KIF26B: variants seen among roughly 807,000 people sequenced by gnomAD.
KIF26B encodes the protein kinesin-like protein KIF26B.
In KIF26B, 63 loss-of-function variants were observed where a neutral mutation model predicts 151.2. That is an observed-to-expected ratio of 0.42 (90% CI 0.34 to 0.51). KIF26B has a LOEUF of 0.51. KIF26B is among the 20% of genes least tolerant of loss of function. The pLI is 0.07. For missense variants in KIF26B, 2,813 were observed against 2,913.6 expected (o/e 0.97, Z 0.79); for synonymous variants, 1,357 against 1,262.1 (o/e 1.08, Z -1.59).
intron 2 of KIF26B, among the ~76,000 whole-genome samples, chr1:245,187,108 G>A (rs1294534982): frequency 6.6e-6 from 1 of 152,152 alleles, no homozygotes; most frequent in Non-Finnish European, 1.5e-5. Flanking sequence ...GTCCGCCTTG[G>A]ACTCCCAAAG....
Position 245,666,422 on chromosome 1 carries a change from G to T in KIF26B, c.2259-17811G>T, listed in dbSNP as rs1045083366. Among the ~76,000 whole-genome samples, 9 of 152,248 alleles carry T rather than the reference G, an allele frequency of 5.9e-5. No individual in the cohort carries two copies. In the East Asian group the frequency reaches 1.7e-3, roughly 29 times the overall value. On this transcript the variant is annotated intron_variant, in intron 10 of 14. Coordinates refer to ENST00000407071, the MANE Select transcript of KIF26B (RefSeq NM_018012.4). ...ACAAAATAAACCAGACAGGATGCAG[G>T]GTGATAGGCATACACTGAGACTTCT...
chr1:245,181,504 G>T (rs541489296), intron 2 of KIF26B, among the ~76,000 whole-genome samples: 2 of 133,120 alleles, frequency 1.5e-5, no homozygotes, highest in Non-Finnish European at 3.1e-5. Context: ...AGAGAAAAAC[G>T]TAGTAAAGTT....
intron 2 of KIF26B, among the ~76,000 whole-genome samples, chr1:245,198,681 C>T (rs933660931): frequency 9.3e-5 from 14 of 149,828 alleles, no homozygotes; most frequent in Non-Finnish European, 1.8e-4. Context: ...AGATCGAGGT[C>T]GCACCATTGC....
At position 245,685,452 on chromosome 1, in the gene KIF26B, C is replaced by T. The variant is rs2044497905; in HGVS notation, c.2469C>T (p.Arg823=). 2 of 1,613,520 alleles carry T rather than the reference C, an allele frequency of 1.2e-6. No individual in the cohort carries two copies. Among genetic ancestry groups the T allele is most frequent in the Admixed American group, 3.3e-5 (2 of 59,980 alleles). The part of the protein sequence containing the change: ...SGGESSCEEG[R]MRRPTQLRPF... ...GGGAGAGCTCCTGCGAAGAAGGCCG[C>T]ATGCGCAGGCCCACCCAGCTGAGAC... Residue 823 remains arginine, a synonymous_variant, in exon 12 of 15, where the codon CGC becomes CGT. Coordinates refer to ENST00000407071, the MANE Select transcript of KIF26B (RefSeq NM_018012.4).
intron 2 of KIF26B, among the ~76,000 whole-genome samples, chr1:245,236,963 G>C (rs1331651477): frequency 6.6e-6 from 1 of 152,214 alleles, no homozygotes; most frequent in African/African-American, 2.4e-5. Context: ...AAAGTGACTT[G>C]TCTGAAATTA....
rs558704377 is a variant in KIF26B at position 245,214,835 on chromosome 1, C to T, written c.465+58152C>T. On this transcript the variant is annotated intron_variant, in intron 2 of 14. Coordinates refer to ENST00000407071, the MANE Select transcript of KIF26B (RefSeq NM_018012.4). ...AGCCTGGGTTACAAGAGCAAAACTC[C>T]GTCTGAAAAATAAATAAGTAAATAA... is the stretch of plus-strand genomic sequence containing the variant. Among the ~76,000 whole-genome samples the T allele has an allele frequency of 5.9e-5, 9 of 152,140 alleles. No individual in the cohort carries two copies. The South Asian group carries it at 1.2e-3, about 21-fold the overall frequency.
chr1:245,465,530 TC>T (rs1280523026), intron 4 of KIF26B, among the ~76,000 whole-genome samples: 2 of 152,164 alleles, frequency 1.3e-5, no homozygotes, highest in Non-Finnish European at 2.9e-5. Context: ...AAAGTATCTT[TC>T]CGGTTTTTGC....
intron 5 of KIF26B, among the ~76,000 whole-genome samples, chr1:245,582,327 G>A (rs115521188): frequency 0.011 from 1,683 of 152,286 alleles, 26 homozygotes; most frequent in Non-Finnish European, 0.012. Context: ...TTGTTACAAT[G>A]TATCAAGTCA....
At chr1:245,396,236 G>C (rs75517246) in intron 3 of KIF26B, among the ~76,000 whole-genome samples, 4 of 152,030 alleles carry the variant, frequency 2.6e-5, no homozygotes, top group African/African-American at 9.7e-5. Context: ...ACTTCTCTCC[G>C]GTGCTCCAAA....
rs907657624 is a variant in KIF26B, at chr1:245,239,739, A to C, written c.465+83056A>C. Among the ~76,000 whole-genome samples, 23 of 152,168 alleles carry C rather than the reference A, an allele frequency of 1.5e-4. No homozygotes were observed. The highest frequency in any genetic ancestry group is 5.5e-4 in the African/African-American group (23 of 41,528). Reference sequence around the variant, plus strand: ...AGGCTGGTCTCAAACTCCTGACCTCAGGTGATCTGGCCTCCCAGAGTGCTG... The same window carrying C: ...AGGCTGGTCTCAAACTCCTGACCTCCGGTGATCTGGCCTCCCAGAGTGCTG... On this transcript the variant is annotated intron_variant, in intron 2 of 14. Coordinates refer to ENST00000407071, the MANE Select transcript of KIF26B (RefSeq NM_018012.4). This position sits in a 1 kb window ranked among gnomAD's most constrained non-coding sequence, Gnocchi z 4.3.
intron 5 of KIF26B, among the ~76,000 whole-genome samples, chr1:245,554,253 T>C (rs1485854922): frequency 6.6e-6 from 1 of 152,222 alleles, no homozygotes. Context: ...GGTGGGAATC[T>C]TTGTTCCTAT....
chr1:245,229,901 G>A (rs1015334487), intron 2 of KIF26B, among the ~76,000 whole-genome samples: 2 of 152,164 alleles, frequency 1.3e-5, no homozygotes, highest in South Asian at 4.1e-4. Flanking sequence ...TTGGGAGGCC[G>A]AGGTGGGCGG....
chr1:245,288,085 C>T (rs1671197468), intron 2 of KIF26B, among the ~76,000 whole-genome samples: 1 of 152,012 alleles, frequency 6.6e-6, no homozygotes, highest in Non-Finnish European at 1.5e-5. Flanking sequence ...ATTGTTTGTA[C>T]CATCTCTTCA....
At chr1:245,180,174 C>G (rs561917252) in intron 2 of KIF26B, among the ~76,000 whole-genome samples, 17 of 152,346 alleles carry the variant, frequency 1.1e-4, no homozygotes, top group Admixed American at 2.0e-4. Context: ...TTCACTGGAA[C>G]TTTCGTCTTC....
intron 2 of KIF26B, among the ~76,000 whole-genome samples, chr1:245,323,620 C>G (rs1671927696): frequency 6.6e-6 from 1 of 152,214 alleles, no homozygotes; most frequent in African/African-American, 2.4e-5. Context: ...CAGTGCCCTT[C>G]AGTCCACCGG....
chr1:245,210,592 C>A (rs1223420881), intron 2 of KIF26B, among the ~76,000 whole-genome samples: 1 of 142,066 alleles, frequency 7.0e-6, no homozygotes, highest in African/African-American at 2.6e-5. Context: ...TAAAATACAA[C>A]ATGAAGTGAG....
intron 2 of KIF26B, among the ~76,000 whole-genome samples, chr1:245,237,614 T>A (rs886647699): frequency 1.3e-5 from 2 of 152,206 alleles, no homozygotes; most frequent in African/African-American, 4.8e-5. Context: ...GTTTACTACT[T>A]TCAGCCTTTC....
At chr1:245,442,491 A>G (rs1001302406) in intron 4 of KIF26B, among the ~76,000 whole-genome samples, 3 of 152,182 alleles carry the variant, frequency 2.0e-5, no homozygotes, top group African/African-American at 7.2e-5. Flanking sequence ...CCTCAGGGAA[A>G]CTGGGAAGGG....
intron 2 of KIF26B, among the ~76,000 whole-genome samples, chr1:245,307,354 A>C (rs1342551004): frequency 6.6e-6 from 1 of 152,142 alleles, no homozygotes; most frequent in Non-Finnish European, 1.5e-5. Context: ...CTGGTAAATA[A>C]ATTAGTGTTC....
Sources: gnomAD v4.1 joint callset for allele counts (sites outside exome capture counted in the v4.1 genomes callset) on GRCh38, gnomAD v4.1.1 for gene constraint, Gnocchi (gnomAD v3.1) non-coding constraint, MANE v1.5 for transcripts, NCBI Gene and HGNC (gene_info 2026-07-23, HGNC 2026-07-21) for gene names.